Variants in CPEB4 observed in about 807,000 individuals in gnomAD.
CPEB4 encodes cytoplasmic polyadenylation element-binding protein 4.
A neutral mutation model predicts 72.5 loss-of-function variants in CPEB4; 12 were observed. That is an observed-to-expected ratio of 0.17 (90% confidence interval 0.11 to 0.27). The LOEUF is 0.27. Among genes scored for constraint, CPEB4 ranks in the 10% least tolerant of loss-of-function variants. The pLI, the probability that CPEB4 is intolerant of heterozygous loss-of-function variation, is 1.00. For synonymous variants in CPEB4, 302 were observed against 326.3 expected (o/e 0.93, Z 0.80); for missense variants, 614 against 908.5 (o/e 0.68, Z 4.17).
At chr5:173,914,759 A>C (rs1270459958) in intron 2 of CPEB4, among the ~76,000 whole-genome samples, 1 of 152,236 alleles carries the variant, frequency 6.6e-6, no homozygotes, top group Admixed American at 6.5e-5. Context: ...ACTCCGTCAC[A>C]AAAAGGAAAG....
intron 7 of CPEB4, among the ~76,000 whole-genome samples, chr5:173,951,068 G>A (rs778325920): frequency 2.6e-5 from 4 of 152,122 alleles, no homozygotes; most frequent in Admixed American, 1.3e-4. Flanking sequence ...AGAAACTTTC[G>A]AAGAGTTCCT....
intron 2 of CPEB4, among the ~76,000 whole-genome samples, chr5:173,911,420 G>C: frequency 6.6e-6 from 1 of 151,890 alleles, no homozygotes; most frequent in South Asian, 2.1e-4. Context: ...CCACTACCAC[G>C]CCCGGCTCAT....
chr5:173,933,643 G>GA (rs1757520108), intron 3 of CPEB4, among the ~76,000 whole-genome samples: 1 of 152,124 alleles, frequency 6.6e-6, no homozygotes, highest in African/African-American at 2.4e-5. Flanking sequence ...GAGAACATAA[G>GA]GGATATATAT....
In CPEB4 at chr5:173,949,961, C is replaced by T. The variant is rs554685416; in HGVS notation, c.1548C>T (p.Gly516=). ...GCCTTCTTTCCCCCTTTTTTCCAGG[C>T]TATGCATTCCTGCTGTTTCAAGATG... is the stretch of plus-strand genomic sequence containing the variant. ...AESKSYFPPK[G]YAFLLFQDES... is the part of the protein sequence containing the mutation. Residue 516 remains glycine (G), a splice_region_variant and synonymous_variant, in exon 7 of 10, where the codon GGC becomes GGT. Coordinates refer to ENST00000265085, the MANE Select transcript of CPEB4 (RefSeq NM_030627.4). The T allele has an allele frequency of 1.9e-6, 3 of 1,596,576 alleles. No homozygotes were observed. In the Admixed American group the frequency reaches 5.1e-5, roughly 27 times the overall value.
At position 173,900,099 on chromosome 5, in the gene CPEB4, A is replaced by G. The variant is rs919422388; in HGVS notation, c.1125+9241A>G. Among the ~76,000 whole-genome samples, 3 of 152,156 alleles carry G rather than the reference A, an allele frequency of 2.0e-5. No individual in the cohort carries two copies. The highest frequency in any genetic ancestry group is 2.9e-5 in the Non-Finnish European group (2 of 68,016). On this transcript the variant is annotated intron_variant, in intron 1 of 9. Coordinates refer to ENST00000265085, the MANE Select transcript of CPEB4 (RefSeq NM_030627.4). This position sits in a 1 kb window ranked among gnomAD's most constrained non-coding sequence, Gnocchi z 4.4. ...TCGAGGGTTACAAGACATAAGCTTC[A>G]GTTTAGGAATAAAGGTTGTGCATTG...
rs563174531 is a variant in CPEB4, at chr5:173,911,060, A to T, written c.1207+456A>T. Among the ~76,000 whole-genome samples the T allele has an allele frequency of 2.3e-4, 34 of 151,104 alleles. No individual in the cohort carries two copies. In the South Asian group the frequency reaches 7.1e-3, roughly 32 times the overall value. ...AAAATGAAGTTCTGTAGTTCTCAGA[A>T]TTTTTTTCTATGTATTATGTTAAAA... On this transcript the variant is annotated intron_variant, in intron 2 of 9. Coordinates refer to ENST00000265085, the MANE Select transcript of CPEB4 (RefSeq NM_030627.4).
rs142150023 is a variant in CPEB4, at chr5:173,928,474, C to T, written c.1208-3976C>T. Among the ~76,000 whole-genome samples, 384 of 152,164 alleles carry T rather than the reference C, an allele frequency of 2.5e-3. 2 individuals carry two copies. The highest frequency in any genetic ancestry group is 0.01 in the Middle Eastern group (3 of 294). ...AACCTAAAATGCTCTAAAAAAATGACGTTTATATATTTATTTGTAAGTATG... is the reference window on the plus strand; with the variant it reads ...AACCTAAAATGCTCTAAAAAAATGATGTTTATATATTTATTTGTAAGTATG... On this transcript the variant is annotated intron_variant, in intron 2 of 9. Transcript: ENST00000265085.
chr5:173,890,986 AC>A, intron 1 of CPEB4, 128 bp downstream of exon 1: 1 of 891,312 alleles, frequency 1.1e-6, no homozygotes, highest in Middle Eastern at 3.6e-4. Context: ...TGAATCAATA[AC>A]CAGACTTTAT....
At chr5:173,927,315 C>T (rs1424871205) in intron 2 of CPEB4, among the ~76,000 whole-genome samples, 1 of 152,144 alleles carries the variant, frequency 6.6e-6, no homozygotes, top group African/African-American at 2.4e-5. Flanking sequence ...ATCAAATGCT[C>T]ACCTGGTACC....
chr5:173,916,953 T>C (rs1031718512), intron 2 of CPEB4, among the ~76,000 whole-genome samples: 2 of 152,210 alleles, frequency 1.3e-5, no homozygotes, highest in African/African-American at 2.4e-5. Context: ...CCTTAACTTT[T>C]CTTTCGATAC....
At chr5:173,901,375 T>A (rs916517951) in intron 1 of CPEB4, among the ~76,000 whole-genome samples, 1 of 152,194 alleles carries the variant, frequency 6.6e-6, no homozygotes, top group Non-Finnish European at 1.5e-5. Context: ...TCTACCTTCA[T>A]TACAGGAGCT....
At chr5:173,909,199 A>C (rs1458121245) in intron 1 of CPEB4, among the ~76,000 whole-genome samples, 1 of 152,240 alleles carries the variant, frequency 6.6e-6, no homozygotes, top group Non-Finnish European at 1.5e-5. Context: ...ATTTTAATGC[A>C]ACAAAATCAA....
At chr5:173,932,179 T>C (rs1757470297) in intron 2 of CPEB4, among the ~76,000 whole-genome samples, 1 of 152,210 alleles carries the variant, frequency 6.6e-6, no homozygotes. Flanking sequence ...GTGAAGATTG[T>C]CATAATGAGT....
At chr5:173,946,981 A>G (rs951340788) in intron 5 of CPEB4, among the ~76,000 whole-genome samples, 45 of 152,094 alleles carry the variant, frequency 3.0e-4, no homozygotes, top group Non-Finnish European at 4.6e-4. Context: ...AAGGGCTCAC[A>G]TAGTGAGCCC....
intron 8 of CPEB4, 62 bp downstream of exon 8, chr5:173,952,000 G>C: frequency 9.1e-7 from 1 of 1,103,442 alleles, no homozygotes; most frequent in Admixed American, 1.8e-5. Flanking sequence ...AGATCTTCAG[G>C]ATAAATTTTT....
At chr5:173,902,242 C>CT (rs904711105) in intron 1 of CPEB4, among the ~76,000 whole-genome samples, 3 of 152,148 alleles carry the variant, frequency 2.0e-5, no homozygotes, top group Non-Finnish European at 4.4e-5. Flanking sequence ...CCCTTCCCTT[C>CT]TTTACCAGGG....
intron 1 of CPEB4, 33 bp from the exon 2 acceptor site, chr5:173,910,490 T>A: frequency 1.3e-6 from 2 of 1,487,520 alleles, no homozygotes; most frequent in Non-Finnish European, 1.9e-6. Context: ...AATGCTATTT[T>A]AAAAAGTGGT....
At chr5:173,924,873 A>G (rs979323920) in intron 2 of CPEB4, among the ~76,000 whole-genome samples, 34 of 152,248 alleles carry the variant, frequency 2.2e-4, no homozygotes, top group African/African-American at 7.7e-4. Flanking sequence ...CCCAAAATCC[A>G]TAAAGATCTC....
At chr5:173,932,815 A>T (rs1469297910) in intron 3 of CPEB4, among the ~76,000 whole-genome samples, 1 of 152,232 alleles carries the variant, frequency 6.6e-6, no homozygotes, top group African/African-American at 2.4e-5. Context: ...CATAAAAGCC[A>T]TTTCCACGTG....
Sources: allele counts gnomAD v4.1 joint callset (sites outside exome capture counted in the v4.1 genomes callset), GRCh38; gene constraint gnomAD v4.1.1; non-coding constraint Gnocchi (gnomAD v3.1); transcripts MANE v1.5; gene names NCBI Gene and HGNC (gene_info 2026-07-23, HGNC 2026-07-21).